Variants in FAM187A observed in about 807,000 individuals in gnomAD.
FAM187A encodes the protein Ig-like V-type domain-containing protein FAM187A.
Under a neutral mutation model 6.4 loss-of-function variants are expected in FAM187A, and 4 were observed. The observed-to-expected ratio is 0.63, with a 90% confidence interval of 0.31 to 1.44. The LOEUF (loss-of-function observed/expected upper bound fraction) is 1.44. FAM187A is among the 40% of genes most tolerant of loss of function. The pLI, the probability that FAM187A is intolerant of heterozygous loss-of-function variation, is 0.07. For synonymous variants in FAM187A, 221 were observed against 213.4 expected (o/e 1.04, Z -0.31); for missense variants, 463 against 542.2 (o/e 0.85, Z 1.45).
At chr17:44,903,489 T>A in exon 4 of FAM187A, 7 of 1,275,110 alleles carry the variant, frequency 5.5e-6, no homozygotes, top group Non-Finnish European at 6.9e-6. Context: ...GAGATCTCCC[T>A]GCCCGAGCAC....
At chr17:44,903,877 G>T in exon 4 of FAM187A, 1 of 1,548,184 alleles carries the variant, frequency 6.5e-7, no homozygotes, top group Non-Finnish European at 8.7e-7. Context: ...GGGGGCTCCA[G>T]GCCTTTGAAA....
chr17:44,903,474 A>G, exon 4 of FAM187A: 1 of 1,270,152 alleles, frequency 7.9e-7, no homozygotes, highest in Non-Finnish European at 9.9e-7. Context: ...TGGAGCACTG[A>G]GGCAGAGATC....
chr17:44,904,248 T>A (rs1468149584), exon 4 of FAM187A: 3 of 1,550,388 alleles, frequency 1.9e-6, no homozygotes, highest in Non-Finnish European at 2.6e-6. Flanking sequence ...GATGTGGACA[T>A]CCAGAACAGT....
rs749865965 is a variant in FAM187A at position 44,904,201 on chromosome 17, C to T, written c.372C>T (p.Phe124=). Residue 124 remains phenylalanine, a synonymous_variant, in exon 4 of 4, where the codon TTC becomes TTT. Coordinates refer to ENST00000331733, the Ensembl canonical transcript of FAM187A. Reference sequence around the variant, plus strand: ...AGTCTGAGGACTCAGGCCTGTACTTCTGCGGCACCCGCAAGGGGGACTACT... The same window carrying T: ...AGTCTGAGGACTCAGGCCTGTACTTTTGCGGCACCCGCAAGGGGGACTACT... 6 of 1,550,550 alleles carry T rather than the reference C, an allele frequency of 3.9e-6. No individual in the cohort carries two copies. In the South Asian group the frequency reaches 7.1e-5, roughly 18 times the overall value.
chr17:44,904,697 C>T, exon 4 of FAM187A: 8 of 1,550,604 alleles, frequency 5.2e-6, no homozygotes, highest in Non-Finnish European at 6.1e-6. Context: ...CATCTCCTGT[C>T]CTGGGGCCCG....
At chr17:44,904,033 A>C in exon 4 of FAM187A, 1 of 1,550,644 alleles carries the variant, frequency 6.4e-7, no homozygotes, top group Non-Finnish European at 8.7e-7. Flanking sequence ...GGTTCTACCA[A>C]AAGCACCTAG....
exon 4 of FAM187A, chr17:44,904,340 A>G (rs924474628): frequency 3.2e-5 from 49 of 1,541,832 alleles, no homozygotes; most frequent in Non-Finnish European, 4.2e-5. Context: ...TGTCTTCACC[A>G]CCTTCTGGGA....
At chr17:44,904,399 C>G in exon 4 of FAM187A, 1 of 1,542,044 alleles carries the variant, frequency 6.5e-7, no homozygotes, top group Non-Finnish European at 8.8e-7. Flanking sequence ...AGTGGCGCAT[C>G]GGCCTCTGCT....
chr17:44,904,357 C>T (rs756953749), exon 4 of FAM187A: 46 of 1,542,892 alleles, frequency 3.0e-5, no homozygotes, highest in Admixed American at 2.6e-4. Context: ...GGGAATGGAC[C>T]CCCTGTGACC....
chr17:44,904,747 C>T (rs560102438), exon 4 of FAM187A: 2 of 1,550,606 alleles, frequency 1.3e-6, no homozygotes, highest in East Asian at 2.4e-5. Context: ...ACCGCCAGCA[C>T]CTCTACCGCA....
chr17:44,903,977 G>A (rs755099136), exon 4 of FAM187A: 163 of 1,550,462 alleles, frequency 1.1e-4, no homozygotes, highest in Non-Finnish European at 1.3e-4. Context: ...CATGAGCTTT[G>A]AGCTTCCCTG....
chr17:44,904,995 C>T (rs2051632696), exon 4 of FAM187A: 2 of 1,550,858 alleles, frequency 1.3e-6, no homozygotes, highest in East Asian at 2.4e-5. Flanking sequence ...CTGCTCATCA[C>T]AGCAGTCTTT....
At chr17:44,903,905 A>G in exon 4 of FAM187A, 1 of 1,550,540 alleles carries the variant, frequency 6.4e-7, no homozygotes, top group Non-Finnish European at 8.7e-7. Context: ...GAAGGAAAAC[A>G]TTTTTCAGAG....
At chr17:44,904,288 G>T in exon 4 of FAM187A, 1 of 1,549,236 alleles carries the variant, frequency 6.5e-7, no homozygotes, top group South Asian at 1.2e-5. Context: ...TCCAGGACAA[G>T]GGCCAGGAGC....
At chr17:44,904,294 G>A (rs749263732) in exon 4 of FAM187A, 99 of 1,548,498 alleles carry the variant, frequency 6.4e-5, no homozygotes, top group Non-Finnish European at 8.5e-5. Flanking sequence ...ACAAGGGCCA[G>A]GAGCCCTTTG....
At chr17:44,904,616 G>C (rs1223812180) in exon 4 of FAM187A, 3 of 1,550,482 alleles carry the variant, frequency 1.9e-6, no homozygotes, top group Non-Finnish European at 2.6e-6. Flanking sequence ...TGTGTCCAAA[G>C]TGGGCAGCCG....
At chr17:44,904,445 A>G in exon 4 of FAM187A, 3 of 1,542,718 alleles carry the variant, frequency 1.9e-6, no homozygotes, top group Middle Eastern at 1.7e-4. Context: ...ACGCTACCTC[A>G]AGGCCGTGCC....
exon 4 of FAM187A, chr17:44,903,921 C>A: frequency 6.4e-7 from 1 of 1,550,630 alleles, no homozygotes; most frequent in East Asian, 2.4e-5. Context: ...CAGAGGACCC[C>A]CTGCCCTGCT....
At position 44,903,808 on chromosome 17, in the gene FAM187A, C is replaced by A; in HGVS notation, c.-22C>A. ...AATGCCCTGGTTTTGCCCTGCCCCT[C>A]TGACCCCTGCCTCCTTCAGGTATGC... On this transcript the variant is annotated 5_prime_UTR_variant, in exon 4 of 4. The change creates a new upstream start codon in the 5' untranslated region. Transcript: ENST00000331733. 1 of 1,541,590 alleles carries A rather than the reference C, an allele frequency of 6.5e-7. No homozygotes were observed. Among genetic ancestry groups the A allele is most frequent in the Non-Finnish European group, 8.8e-7 (1 of 1,141,962 alleles).
Sources: allele counts gnomAD v4.1 joint callset, GRCh38; gene constraint gnomAD v4.1.1; transcripts MANE v1.5; gene names NCBI Gene and HGNC (gene_info 2026-07-23, HGNC 2026-07-21).